EMCN: variants seen among roughly 807,000 people sequenced by gnomAD.
EMCN encodes the protein MUC-14.
A neutral mutation model predicts 38.4 loss-of-function variants in EMCN; 37 were observed. That is an observed-to-expected ratio of 0.96 (90% CI 0.74 to 1.27). The LOEUF (loss-of-function observed/expected upper bound fraction) is 1.27. Among genes scored for constraint, EMCN ranks in the 50% most tolerant of loss-of-function variants. The pLI, the probability that EMCN is intolerant of heterozygous loss-of-function variation, is 0.00. For missense variants in EMCN, 318 were observed against 302.8 expected, an observed-to-expected ratio of 1.05 and a Z score of -0.37; for synonymous variants, 95 against 100.8, an observed-to-expected ratio of 0.94 and a Z score of 0.35.
intron 3 of EMCN, among the ~76,000 whole-genome samples, chr4:100,469,600 T>A (rs1170577345): frequency 6.8e-6 from 1 of 146,882 alleles, no homozygotes; most frequent in Non-Finnish European, 1.5e-5. Flanking sequence ...TCGAGTTAAT[T>A]TTTGAATATG....
At chr4:100,433,506 T>A (rs1418653878) in intron 5 of EMCN, among the ~76,000 whole-genome samples, 1 of 152,096 alleles carries the variant, frequency 6.6e-6, no homozygotes, top group Non-Finnish European at 1.5e-5. Flanking sequence ...CTATTTTTAA[T>A]TTCTTTCAAA....
intron 1 of EMCN, among the ~76,000 whole-genome samples, chr4:100,492,031 TAAA>T (rs1355722598): frequency 6.6e-6 from 1 of 151,982 alleles, no homozygotes; most frequent in Admixed American, 6.6e-5. Flanking sequence ...AAGAAACTAT[TAAA>T]GTCCCAACAG....
intron 1 of EMCN, among the ~76,000 whole-genome samples, chr4:100,506,348 G>A (rs1266233888): frequency 6.6e-6 from 1 of 152,054 alleles, no homozygotes; most frequent in East Asian, 1.9e-4. Flanking sequence ...TGACAGCTTT[G>A]CAAATCGTAT....
chr4:100,442,197 C>G (rs1043068254), intron 5 of EMCN, among the ~76,000 whole-genome samples: 1 of 152,144 alleles, frequency 6.6e-6, no homozygotes, highest in African/African-American at 2.4e-5. Flanking sequence ...GTTCTTTCAG[C>G]TCTTTAAATA....
At chr4:100,513,952 C>T (rs1392594172) in intron 1 of EMCN, among the ~76,000 whole-genome samples, 4 of 151,964 alleles carry the variant, frequency 2.6e-5, no homozygotes, top group African/African-American at 9.7e-5. Context: ...GACATTCATG[C>T]AAATAACTAT....
At chr4:100,421,221 C>G (rs1428060334) in intron 8 of EMCN, 61 bp downstream of exon 8, 2 of 1,355,618 alleles carry the variant, frequency 1.5e-6, no homozygotes, top group East Asian at 2.3e-5. Flanking sequence ...AATTTAAAAT[C>G]AAGTTTAAAC....
At chr4:100,461,422 T>C (rs1728175492) in intron 4 of EMCN, among the ~76,000 whole-genome samples, 1 of 152,180 alleles carries the variant, frequency 6.6e-6, no homozygotes, top group Non-Finnish European at 1.5e-5. Context: ...CATGATAGCA[T>C]GGTCTGTCTA....
intron 1 of EMCN, among the ~76,000 whole-genome samples, chr4:100,502,932 T>C (rs1366252294): frequency 6.6e-6 from 1 of 152,180 alleles, no homozygotes; most frequent in Non-Finnish European, 1.5e-5. Flanking sequence ...CTCAATTTGA[T>C]ATAATAAAAG....
At chr4:100,434,271 A>G (rs55634229) in intron 5 of EMCN, among the ~76,000 whole-genome samples, 30,682 of 151,904 alleles carry the variant, frequency 0.2, 4,754 homozygotes, top group East Asian at 0.77. Flanking sequence ...GAAGAAATGT[A>G]TAAATTCCTG....
intron 1 of EMCN, among the ~76,000 whole-genome samples, chr4:100,489,297 T>C (rs1319730470): frequency 2.0e-5 from 3 of 152,238 alleles, no homozygotes; most frequent in Non-Finnish European, 4.4e-5. Flanking sequence ...CCTTATGCTA[T>C]TCCTAATCAT....
intron 1 of EMCN, among the ~76,000 whole-genome samples, chr4:100,496,552 T>C (rs892044519): frequency 1.3e-5 from 2 of 152,282 alleles, no homozygotes; most frequent in South Asian, 2.1e-4. Flanking sequence ...CCAAAAGAAA[T>C]GTTATAATAC....
intron 4 of EMCN, among the ~76,000 whole-genome samples, chr4:100,455,736 C>G (rs768248793): frequency 6.6e-6 from 1 of 151,980 alleles, no homozygotes; most frequent in African/African-American, 2.4e-5. Context: ...TTTAAGTTAC[C>G]TGAATCTATG....
intron 1 of EMCN, among the ~76,000 whole-genome samples, chr4:100,489,858 C>T (rs1729031976): frequency 6.6e-6 from 1 of 152,152 alleles, no homozygotes; most frequent in Admixed American, 6.5e-5. Flanking sequence ...TCAGTACCTG[C>T]AGGTGTCCTA....
chr4:100,426,456 C>T (rs1727048554), intron 5 of EMCN, among the ~76,000 whole-genome samples: 1 of 152,142 alleles, frequency 6.6e-6, no homozygotes, highest in Non-Finnish European at 1.5e-5. Flanking sequence ...CTCCCTATCA[C>T]CATGTCAGAT....
chr4:100,460,941 T>A (rs964830216), intron 4 of EMCN, among the ~76,000 whole-genome samples: 1 of 152,206 alleles, frequency 6.6e-6, no homozygotes, highest in Non-Finnish European at 1.5e-5. Flanking sequence ...TTTGAAAATG[T>A]AAATAATATC....
rs570208831 is a variant in EMCN at position 100,469,723 on chromosome 4, G to A, written c.260-4184C>T. Among the ~76,000 whole-genome samples the A allele has an allele frequency of 4.4e-4, 67 of 152,052 alleles. 1 individual carries two copies. The South Asian group carries it at 6.6e-3, about 15-fold the overall frequency. ...ATTGTTTGTTTTTGGCAGCTTTGTTGAAGATTAGATAGTGTAGGTATGTGG... is the reference window on the plus strand; with the variant it reads ...ATTGTTTGTTTTTGGCAGCTTTGTTAAAGATTAGATAGTGTAGGTATGTGG... On this transcript the variant is annotated intron_variant, in intron 3 of 11. Coordinates refer to ENST00000296420, the MANE Select transcript of EMCN (RefSeq NM_016242.4).
intron 10 of EMCN, among the ~76,000 whole-genome samples, chr4:100,411,560 A>G (rs1297472791): frequency 6.6e-6 from 1 of 152,166 alleles, no homozygotes; most frequent in East Asian, 1.9e-4. Flanking sequence ...TTTATAGTAA[A>G]AGAAAACAAC....
At chr4:100,479,502 G>A (rs1251782992) in intron 2 of EMCN, among the ~76,000 whole-genome samples, 1 of 152,010 alleles carries the variant, frequency 6.6e-6, no homozygotes, top group Admixed American at 6.6e-5. Context: ...AAACCTACAA[G>A]TTAAATCTAT....
At chr4:100,439,189 A>G (rs1727438989) in intron 5 of EMCN, among the ~76,000 whole-genome samples, 1 of 152,056 alleles carries the variant, frequency 6.6e-6, no homozygotes, top group Admixed American at 6.6e-5. Context: ...AAGTATCATT[A>G]TTAATTCTCT....
Sources: gnomAD v4.1 joint callset for allele counts (sites outside exome capture counted in the v4.1 genomes callset) on GRCh38, gnomAD v4.1.1 for gene constraint, MANE v1.5 for transcripts, NCBI Gene and HGNC (gene_info 2026-07-23, HGNC 2026-07-21) for gene names.